The following ZXDC variants were observed in gnomAD, a reference collection of about 807,000 sequenced individuals.
ZXDC encodes zinc finger protein ZXDC.
ZXDC carries 58 observed loss-of-function variants against 63.6 expected under a neutral mutation model. That is an observed-to-expected ratio of 0.91 (90% CI 0.74 to 1.13). The LOEUF is 1.13. Among genes scored for constraint, ZXDC ranks in the 50% most tolerant of loss-of-function variants. The probability of loss-of-function intolerance (pLI) is 0.00; values close to 1 mark genes in which losing one functional copy is unlikely to be tolerated. For synonymous variants in ZXDC, 561 were observed against 496.1 expected (o/e 1.13, Z -1.74); for missense variants, 1,133 against 1,148.9 (o/e 0.99, Z 0.20).
At position 126,462,158 on chromosome 3, in the gene ZXDC, C is replaced by G. The variant is rs1934579480; in HGVS notation, c.1504G>C (p.Gly502Arg). The G allele has an allele frequency of 1.2e-6, 2 of 1,611,950 alleles. No individual in the cohort carries two copies. The highest frequency in any genetic ancestry group is 2.7e-5 in the African/African-American group (2 of 74,914). Residue 502 changes from glycine to arginine, a missense_variant, in exon 6 of 10, where the codon GGC (glycine) becomes CGC (arginine). Physicochemically the swap from Gly to Arg is moderately radical, Grantham distance 125. Coordinates refer to ENST00000389709, the MANE Select transcript of ZXDC (RefSeq NM_025112.5). ...LTPSSELSSP[G>R]QSELTNMDLA... ...TCCATGTTAGTGAGCTCACTTTGGCCTGGGCTGCTGAGTTCACTGCTGGGA... is the reference window on the plus strand; with the variant it reads ...TCCATGTTAGTGAGCTCACTTTGGCGTGGGCTGCTGAGTTCACTGCTGGGA...
chr3:126,455,015 C>G (rs1420088660), intron 7 of ZXDC: 1 of 985,318 alleles, frequency 1.0e-6, no homozygotes, highest in African/African-American at 1.7e-5. Flanking sequence ...ACCACATGCA[C>G]AACAGCGAAG....
At chr3:126,439,933 TG>T in intron 8 of ZXDC, 1 of 1,407,038 alleles carries the variant, frequency 7.1e-7, no homozygotes. Context: ...TCTGTCACCT[TG>T]ATCCCAGCAG....
Position 126,475,095 on chromosome 3 carries a change from C to G in ZXDC, c.771G>C (p.Ala257=), listed in dbSNP as rs200839369. The G allele has an allele frequency of 1.2e-6, 2 of 1,609,828 alleles. No homozygotes were observed. Among genetic ancestry groups the G allele is most frequent in the South Asian group, 2.2e-5 (2 of 90,312 alleles). The change falls in exon 1 of 10, where the codon GCG becomes GCC. Residue 257 remains alanine (A), a synonymous_variant. Transcript: ENST00000389709. ...TCTCCTGCTCGTGGCCCTTCATGTGCGCCTTGAGGTTATAGACCGTAGTGA... is the reference window on the plus strand; with the variant it reads ...TCTCCTGCTCGTGGCCCTTCATGTGGGCCTTGAGGTTATAGACCGTAGTGA... ...KKFTTVYNLK[A]HMKGHEQESL... is the part of the protein sequence containing the mutation.
Position 126,472,713 on chromosome 3 carries a change from T to C in ZXDC, c.908-408A>G, listed in dbSNP as rs543516561. 1.4e-4 allele frequency among the ~76,000 whole-genome samples: 21 copies of C among 152,330 alleles called. No homozygotes were observed. In the South Asian group the frequency reaches 4.1e-3, roughly 30 times the overall value. On this transcript the variant is annotated intron_variant, in intron 1 of 9. Transcript: ENST00000389709. The stretch of plus-strand genomic sequence containing the variant: ...ATCTTTGAAAGGCTACAAATCATCC[T>C]ACTAGCCAGGATTTTTCACCCCTTG...
At position 126,438,193 on chromosome 3, in the gene ZXDC, C is replaced by G; in HGVS notation, c.*182G>C. On this transcript the variant is annotated 3_prime_UTR_variant, in exon 10 of 10. Transcript: ENST00000389709. The stretch of plus-strand genomic sequence containing the variant: ...AAAGGCAGTTTCAAAGAGTATAGCC[C>G]GAACTCATTCCTGGTAAAACAAAAG... 1.6e-6 allele frequency: 1 copy of G among 633,880 alleles called. No homozygotes were observed. The highest frequency in any genetic ancestry group is 1.9e-5 in the South Asian group (1 of 53,942). The allele number at this position is 633,880 out of a possible 1,614,324, so 39.3% of individuals were successfully genotyped here.
intron 7 of ZXDC, chr3:126,455,236 T>C (rs533300287): frequency 4.1e-6 from 1 of 246,620 alleles, no homozygotes; most frequent in South Asian, 1.5e-4. Context: ...ACAGTCTCAT[T>C]TGATCCCACT....
intron 7 of ZXDC, chr3:126,453,189 G>T (rs1363061333): frequency 3.0e-6 from 3 of 985,208 alleles, no homozygotes; most frequent in Non-Finnish European, 3.6e-6. Context: ...GCATTTTGTT[G>T]CAAGTATTCT....
intron 8 of ZXDC, chr3:126,440,336 C>T: frequency 1.0e-6 from 1 of 986,908 alleles, no homozygotes; most frequent in Non-Finnish European, 1.2e-6. Context: ...ACCTCTCATT[C>T]CTTCTGTTTG....
At chr3:126,459,555 C>G in intron 7 of ZXDC, 98 bp downstream of exon 7, 1 of 1,574,436 alleles carries the variant, frequency 6.4e-7, no homozygotes, top group Non-Finnish European at 8.6e-7. Flanking sequence ...AAAGTAAAAC[C>G]AAGAGCACAG....
intron 8 of ZXDC, chr3:126,441,080 C>T: frequency 4.1e-6 from 4 of 985,588 alleles, no homozygotes; most frequent in Non-Finnish European, 4.8e-6. Flanking sequence ...CTCCCCAAAT[C>T]CTTCCAAATC....
intron 7 of ZXDC, chr3:126,458,692 T>C (rs1256445959): frequency 1.1e-5 from 11 of 985,368 alleles, no homozygotes; most frequent in African/African-American, 1.7e-5. Flanking sequence ...CAAGATTATC[T>C]ACCAGGTTCA....
In ZXDC at chr3:126,453,436, G is replaced by C. The variant is rs778871987; in HGVS notation, c.2212+6217C>G. 7.1e-6 allele frequency: 7 copies of C among 985,328 alleles called. No homozygotes were observed. The Admixed American group carries it at 4.3e-4, about 61-fold the overall frequency. 61.0% of individuals were successfully genotyped at this position (985,328 alleles called of 1,614,324 possible). A position where few individuals can be genotyped will look rare whatever the true frequency, so the allele number is the denominator to read the frequency against. ...GGATTTGACTCTGTTCTGATAGGAA[G>C]ACATCTGAGGCACAAACTTGCATTT... On this transcript the variant is annotated intron_variant, in intron 7 of 9. Coordinates refer to ENST00000389709, the MANE Select transcript of ZXDC (RefSeq NM_025112.5).
At chr3:126,455,170 T>G (rs1200031310) in intron 7 of ZXDC, 2 of 813,790 alleles carry the variant, frequency 2.5e-6, no homozygotes, top group African/African-American at 3.7e-5. Context: ...TTCCCTAAAC[T>G]TAATGCCAAA....
At chr3:126,458,905 CAG>C in intron 7 of ZXDC, 1 of 985,172 alleles carries the variant, frequency 1.0e-6, no homozygotes, top group Non-Finnish European at 1.2e-6. Flanking sequence ...AACTGATTAA[CAG>C]AAAACCGGCA....
chr3:126,450,309 C>G (rs776912556), intron 7 of ZXDC: 1 of 456,524 alleles, frequency 2.2e-6, no homozygotes, highest in Non-Finnish European at 4.4e-6. Context: ...TTCTCCTGCC[C>G]CTAAAGAAAA....
intron 7 of ZXDC, chr3:126,442,305 C>T: frequency 5.9e-6 from 1 of 168,926 alleles, no homozygotes; most frequent in Non-Finnish European, 1.3e-5. Flanking sequence ...GCCAACAGCC[C>T]AGAGCCACAG....
Position 126,475,150 on chromosome 3 carries a change from C to T in ZXDC, c.716G>A (p.Gly239Asp), listed in dbSNP as rs1375598547. The change falls in exon 1 of 10, where the codon GGC becomes GAC. Residue 239 changes from glycine to aspartate, a missense_variant. Transcript: ENST00000389709. Reference protein sequence around the residue: ...LQSHDKLRPFGCPVGGCGKKF... With the variant: ...LQSHDKLRPFDCPVGGCGKKF... Reference sequence around the variant, plus strand: ...CTTGCCACAGCCGCCCACTGGACAGCCGAAGGGCCGCAGCTTGTCGTGCGA... The same window carrying T: ...CTTGCCACAGCCGCCCACTGGACAGTCGAAGGGCCGCAGCTTGTCGTGCGA... 1 of 1,607,522 alleles carries T rather than the reference C, an allele frequency of 6.2e-7. No homozygotes were observed. The highest frequency in any genetic ancestry group is 8.5e-7 in the Non-Finnish European group (1 of 1,177,094).
rs1253886926 is a variant in ZXDC, at chr3:126,440,277, C to T, written c.2395-550G>A. The T allele has an allele frequency of 2.6e-5, 26 of 989,150 alleles. No individual in the cohort carries two copies. In the Admixed American group the frequency reaches 1.5e-3, roughly 56 times the overall value. 61.3% of individuals were successfully genotyped at this position (989,150 alleles called of 1,614,324 possible). A position where few individuals can be genotyped will look rare whatever the true frequency, so the allele number is the denominator to read the frequency against. ...GCCTGTCCTGCACCTGCATGTCCGC[C>T]CATGGCCATTCACACCCCGAAGCGG... On this transcript the variant is annotated intron_variant, in intron 8 of 9. Transcript: ENST00000389709.
chr3:126,459,260 T>C (rs1934427820), intron 7 of ZXDC: 4 of 985,322 alleles, frequency 4.1e-6, no homozygotes, highest in South Asian at 4.7e-5. Context: ...CATGTACACG[T>C]ACCTGGGGAC....
Sources: gnomAD v4.1 joint callset for allele counts (sites outside exome capture counted in the v4.1 genomes callset) on GRCh38, gnomAD v4.1.1 for gene constraint, MANE v1.5 for transcripts, NCBI Gene and HGNC (gene_info 2026-07-23, HGNC 2026-07-21) for gene names.